The following MAEA variants were observed in gnomAD, a reference collection of about 807,000 sequenced individuals.
MAEA encodes E3 ubiquitin-protein transferase MAEA.
In MAEA, 22 loss-of-function variants were observed where a neutral mutation model predicts 46.2. That is an observed-to-expected ratio of 0.48 (90% CI 0.34 to 0.68). The LOEUF (loss-of-function observed/expected upper bound fraction) is 0.68, where lower values mean the gene tolerates loss of function less well. MAEA is among the 30% of genes least tolerant of loss of function. The probability of loss-of-function intolerance (pLI) is 0.01; values close to 1 mark genes in which losing one functional copy is unlikely to be tolerated. For missense variants in MAEA, 393 were observed against 558.1 expected, an observed-to-expected ratio of 0.70 and a Z score of 2.98; for synonymous variants, 246 against 222.6, an observed-to-expected ratio of 1.11 and a Z score of -0.94.
intron 5 of MAEA, chr4:1,328,768 G>T: frequency 8.8e-7 from 1 of 1,139,650 alleles, no homozygotes; most frequent in Non-Finnish European, 1.1e-6. Context: ...ACCCTGGAGA[G>T]GCCCGGGGTC....
intron 1 of MAEA, among the ~76,000 whole-genome samples, chr4:1,308,505 G>T (rs1736050486): frequency 6.6e-6 from 1 of 152,134 alleles, no homozygotes; most frequent in South Asian, 2.1e-4. Flanking sequence ...GAATTGCCTC[G>T]CTGCTCTACA....
intron 1 of MAEA, chr4:1,309,749 TG>T (rs1210545702): frequency 6.7e-7 from 1 of 1,496,430 alleles, no homozygotes; most frequent in Non-Finnish European, 8.9e-7. Flanking sequence ...GCCTGCGTTC[TG>T]CGTAACCGTG....
intron 3 of MAEA, among the ~76,000 whole-genome samples, chr4:1,319,468 A>T (rs372384995): frequency 9.2e-5 from 14 of 152,184 alleles, no homozygotes; most frequent in African/African-American, 3.1e-4. Flanking sequence ...CACATCTTTC[A>T]TGTGACTCTC....
intron 1 of MAEA, among the ~76,000 whole-genome samples, chr4:1,304,526 C>T (rs573235637): frequency 1.3e-5 from 2 of 152,308 alleles, no homozygotes; most frequent in East Asian, 3.9e-4. Context: ...CTGCAAGCTC[C>T]GCCTCTTGGG....
intron 4 of MAEA, chr4:1,323,377 C>T: frequency 1.5e-6 from 1 of 656,540 alleles, no homozygotes; most frequent in Non-Finnish European, 2.8e-6. Context: ...GTTAACACTT[C>T]TGCCTCCATT....
In MAEA at chr4:1,322,470, C is replaced by G. The variant is rs765221530; in HGVS notation, c.546C>G (p.Cys182Trp). 1.9e-6 allele frequency: 3 copies of G among 1,614,008 alleles called. No individual in the cohort carries two copies. Among genetic ancestry groups the G allele is most frequent in the Non-Finnish European group, 2.5e-6 (3 of 1,180,028 alleles). Residue 182 changes from cysteine (C) to tryptophan (W), a missense_variant, in exon 4 of 9, where the codon TGC becomes TGG. By Grantham distance (215) the Cys-to-Trp change is radical. Transcript: ENST00000303400. ...RRETATCLAW[C>W]HDNKSRLRKM... ...AGACGGCCACCTGCCTGGCCTGGTG[C>G]CATGACAACAAGTCCCGGCTCCGGA...
chr4:1,298,166 G>A (rs368309798), intron 1 of MAEA: 4 of 439,206 alleles, frequency 9.1e-6, no homozygotes, highest in East Asian at 7.1e-5. Flanking sequence ...TGCCTGCCCC[G>A]TCCTTGTGCT....
At chr4:1,337,314 CCGTGTGATTA>C (rs1712904861) in intron 7 of MAEA, 1 of 292,894 alleles carries the variant, frequency 3.4e-6, no homozygotes, top group African/African-American at 3.9e-5. Flanking sequence ...AATAGTTTTC[CCGTGTGATTA>C]CCAAGAACCT....
At chr4:1,316,964 C>G (rs1737278964) in intron 3 of MAEA, among the ~76,000 whole-genome samples, 2 of 139,502 alleles carry the variant, frequency 1.4e-5, no homozygotes, top group African/African-American at 2.7e-5. Flanking sequence ...CACCTGCAGG[C>G]CCACCACGGC....
intron 3 of MAEA, among the ~76,000 whole-genome samples, chr4:1,316,819 C>T (rs1052878482): frequency 9.9e-5 from 15 of 152,062 alleles, no homozygotes; most frequent in African/African-American, 3.1e-4. Flanking sequence ...GCCACACTCA[C>T]GCCCCCATGC....
intron 2 of MAEA, among the ~76,000 whole-genome samples, chr4:1,312,737 A>G (rs935669118): frequency 1.3e-5 from 2 of 152,036 alleles, no homozygotes; most frequent in Admixed American, 1.3e-4. Flanking sequence ...CTGATCGATT[A>G]TTTTTAGATG....
At chr4:1,333,309 C>G (rs895002694) in intron 6 of MAEA, among the ~76,000 whole-genome samples, 2 of 151,858 alleles carry the variant, frequency 1.3e-5, no homozygotes, top group African/African-American at 4.8e-5. Flanking sequence ...CCACTGCACT[C>G]CAGCTGGGGT....
intron 5 of MAEA, chr4:1,329,918 C>T (rs951977485): frequency 6.0e-5 from 59 of 985,580 alleles, no homozygotes; most frequent in South Asian, 1.9e-4. Context: ...TCTGAACTCA[C>T]GGTCCACATG....
chr4:1,335,109 T>C, intron 6 of MAEA: 3 of 985,328 alleles, frequency 3.0e-6, no homozygotes, highest in Non-Finnish European at 3.6e-6. Context: ...TCACACACGC[T>C]CTCTCTCTTA....
intron 2 of MAEA, among the ~76,000 whole-genome samples, chr4:1,314,081 A>C (rs1351386777): frequency 6.6e-6 from 1 of 152,206 alleles, no homozygotes; most frequent in Non-Finnish European, 1.5e-5. Flanking sequence ...CAATCCCAGC[A>C]CTTTGGGAGG....
rs1031469752 is a variant in MAEA, at chr4:1,306,530, A to G, written c.70-5449A>G. Among the ~76,000 whole-genome samples, 7 of 152,056 alleles carry G rather than the reference A, an allele frequency of 4.6e-5. 1 individual carries two copies. The highest frequency in any genetic ancestry group is 1.0e-4 in the Non-Finnish European group (7 of 68,006). ...ACTGTGTCTCAAGAAAAAAGAAAAG[A>G]AAAGTGGGTTGGGGGGCTTGCTTGT... On this transcript the variant is annotated intron_variant, in intron 1 of 8. Transcript: ENST00000303400.
intron 1 of MAEA, chr4:1,309,319 C>A: frequency 3.1e-6 from 2 of 637,194 alleles, no homozygotes; most frequent in Non-Finnish European, 4.3e-6. Flanking sequence ...TCACCAAATG[C>A]CCTTTAAGGA....
At chr4:1,301,720 G>A (rs963843464) in intron 1 of MAEA, among the ~76,000 whole-genome samples, 2 of 143,632 alleles carry the variant, frequency 1.4e-5, no homozygotes, top group East Asian at 4.7e-4. Flanking sequence ...ATAAGTAAGT[G>A]AATAAGTAAA....
chr4:1,319,530 G>A (rs759916405), intron 3 of MAEA, among the ~76,000 whole-genome samples: 1 of 152,040 alleles, frequency 6.6e-6, no homozygotes, highest in Non-Finnish European at 1.5e-5. Flanking sequence ...AGATCCAACT[G>A]GGTTCAGACC....
Sources: allele counts gnomAD v4.1 joint callset (sites outside exome capture counted in the v4.1 genomes callset), GRCh38; gene constraint gnomAD v4.1.1; transcripts MANE v1.5; gene names NCBI Gene and HGNC (gene_info 2026-07-23, HGNC 2026-07-21).